FKTN: variants seen among roughly 807,000 people sequenced by gnomAD.
FKTN encodes fukutin.
Under a neutral mutation model 58.6 loss-of-function variants are expected in FKTN, and 47 were observed. The observed-to-expected ratio is 0.80, with a 90% CI of 0.63 to 1.02. FKTN has a LOEUF of 1.02. Ranked by LOEUF, FKTN falls within the 50% of genes least tolerant of loss-of-function variation. The pLI is 0.00. For synonymous variants in FKTN, 178 were observed against 191.9 expected, an observed-to-expected ratio of 0.93 and a Z score of 0.60; for missense variants, 516 against 537.3, an observed-to-expected ratio of 0.96 and a Z score of 0.39.
In FKTN at chr9:105,635,997, C is replaced by T; in HGVS notation, c.*733C>T. ...TTTCCATCCATTGTGAGAATATTTT[C>T]ACTGACCTCTGATGGCACTTGTTGA... On this transcript the variant is annotated 3_prime_UTR_variant, in exon 11 of 11. Transcript: ENST00000357998. 1 of 985,698 alleles carries T rather than the reference C, an allele frequency of 1.0e-6. No individual in the cohort carries two copies. Among genetic ancestry groups the T allele is most frequent in the Non-Finnish European group, 1.2e-6 (1 of 830,126 alleles). 61.1% of individuals were successfully genotyped at this position (985,698 alleles called of 1,614,324 possible). A position where few individuals can be genotyped will look rare whatever the true frequency, so the allele number is the denominator to read the frequency against.
At chr9:105,558,910 T>C (rs1158422569) in intron 1 of FKTN, among the ~76,000 whole-genome samples, 1 of 152,192 alleles carries the variant, frequency 6.6e-6, no homozygotes, top group East Asian at 1.9e-4. Context: ...TTAGCGATTC[T>C]ATTTGTGGAC....
intron 3 of FKTN, among the ~76,000 whole-genome samples, chr9:105,592,994 AAC>A (rs1347246561): frequency 6.6e-6 from 1 of 152,206 alleles, no homozygotes; most frequent in Non-Finnish European, 1.5e-5. Context: ...ACCTTACAGC[AAC>A]ACTGCTTTCC....
chr9:105,639,026 T>G lies in FKTN; in HGVS notation c.*3762T>G. The G allele has an allele frequency of 1.0e-6, 1 of 985,274 alleles. No individual in the cohort carries two copies. The highest frequency in any genetic ancestry group is 1.2e-6 in the Non-Finnish European group (1 of 829,882). 61.0% of individuals were successfully genotyped at this position (985,274 alleles called of 1,614,324 possible). A position where few individuals can be genotyped will look rare whatever the true frequency, so the allele number is the denominator to read the frequency against. On this transcript the variant is annotated 3_prime_UTR_variant, in exon 11 of 11. Coordinates refer to ENST00000357998, the MANE Select transcript of FKTN (RefSeq NM_001079802.2). Reference sequence around the variant, plus strand: ...TTATGGCTACATATTTTTCTAAGTTTCCCCCCTAGTTTCACTTTCTGGAAA... The same window carrying G: ...TTATGGCTACATATTTTTCTAAGTTGCCCCCCTAGTTTCACTTTCTGGAAA...
intron 1 of FKTN, among the ~76,000 whole-genome samples, chr9:105,570,861 G>A (rs140697407): frequency 2.7e-3 from 405 of 152,184 alleles, no homozygotes; most frequent in African/African-American, 8.8e-3. Flanking sequence ...AAGTAAACTG[G>A]TTTTATGGAA....
intron 3 of FKTN, among the ~76,000 whole-genome samples, chr9:105,576,403 T>C (rs1194841396): frequency 6.6e-6 from 1 of 151,626 alleles, no homozygotes; most frequent in African/African-American, 2.4e-5. Flanking sequence ...CACCTATGAG[T>C]GAGAATATGC....
intron 9 of FKTN, among the ~76,000 whole-genome samples, chr9:105,618,715 C>G (rs1466239496): frequency 6.6e-6 from 1 of 152,212 alleles, no homozygotes; most frequent in African/African-American, 2.4e-5. Flanking sequence ...TGATCTCTTG[C>G]AATCATCTTG....
In FKTN at chr9:105,639,875, C is replaced by T; in HGVS notation, c.*4611C>T. 2 of 1,390,932 alleles carry T rather than the reference C, an allele frequency of 1.4e-6. No individual in the cohort carries two copies. The highest frequency in any genetic ancestry group is 1.9e-6 in the Non-Finnish European group (2 of 1,076,188). The allele number at this position is 1,390,932 out of a possible 1,614,324, so 86.2% of individuals were successfully genotyped here. A position where few individuals can be genotyped will look rare whatever the true frequency, so the allele number is the denominator to read the frequency against. ...TTCACTAGATTTGGTACCTGCTCTC[C>T]CCTGGACTTCTTTTTCAATATTCTA... On this transcript the variant is annotated 3_prime_UTR_variant, in exon 11 of 11. Coordinates refer to ENST00000357998, the MANE Select transcript of FKTN (RefSeq NM_001079802.2).
Position 105,563,599 on chromosome 9 carries a change from G to T in FKTN, c.-181+5434G>T, listed in dbSNP as rs564873203. On this transcript the variant is annotated intron_variant, in intron 1 of 10. Transcript: ENST00000357998. ...TGAACTGCAACGTGGCAGCGAGGCTGGGGGGGGGGGCACCCGCCATTGCTG... is the reference window on the plus strand; with the variant it reads ...TGAACTGCAACGTGGCAGCGAGGCTTGGGGGGGGGGCACCCGCCATTGCTG... Among the ~76,000 whole-genome samples, 12 of 59,018 alleles carry T rather than the reference G, an allele frequency of 2.0e-4. No homozygotes were observed. The East Asian group carries it at 5.2e-3, about 26-fold the overall frequency. 38.7% of individuals were successfully genotyped at this position (59,018 alleles called of 152,430 possible).
Position 105,599,923 on chromosome 9 carries a change from C to CT in FKTN, c.166-1221dup, listed in dbSNP as rs545966908. 7.9e-5 allele frequency among the ~76,000 whole-genome samples: 12 copies of CT among 151,244 alleles called. No homozygotes were observed. In the East Asian group the frequency reaches 2.3e-3, roughly 29 times the overall value. On this transcript the variant is annotated intron_variant, in intron 4 of 10. Transcript: ENST00000357998. The stretch of plus-strand genomic sequence containing the variant: ...ATGATAGAATTCACCAGTGAACTGT[C>CT]TAAGTCTGAAGTTTTTCCTTGTTGT...
rs1834381238 is a variant in FKTN at position 105,640,944 on chromosome 9, G to GTTC, written c.*5680_*5681insTTC. On this transcript the variant is annotated 3_prime_UTR_variant, in exon 11 of 11. Coordinates refer to ENST00000357998, the MANE Select transcript of FKTN (RefSeq NM_001079802.2). ...ATATATATGAATTTCTAAACAAAGT[G>GTTC]ATATTTTAAAGATGAATTGATTCAA... 1 of 152,114 alleles carries GTTC rather than the reference G, an allele frequency of 6.6e-6. No individual in the cohort carries two copies. Among genetic ancestry groups the GTTC allele is most frequent in the Non-Finnish European group, 1.5e-5 (1 of 68,016 alleles). 9.4% of individuals were successfully genotyped at this position (152,114 alleles called of 1,614,324 possible).
At chr9:105,567,892 T>C (rs1839978080) in intron 1 of FKTN, among the ~76,000 whole-genome samples, 1 of 152,142 alleles carries the variant, frequency 6.6e-6, no homozygotes, top group African/African-American at 2.4e-5. Flanking sequence ...CTTCAAACTA[T>C]ACTACAAGGC....
rs1277485848 is a variant in FKTN, at chr9:105,636,226, C to G, written c.*962C>G. On this transcript the variant is annotated 3_prime_UTR_variant, in exon 11 of 11. Transcript: ENST00000357998. The stretch of plus-strand genomic sequence containing the variant: ...ATATTAATAGAATTTTTTAAATATA[C>G]TCTAATTTTTAAAACATACTCTTTA... 2 of 872,756 alleles carry G rather than the reference C, an allele frequency of 2.3e-6. No homozygotes were observed. Among genetic ancestry groups the G allele is most frequent in the Non-Finnish European group, 2.7e-6 (2 of 727,690 alleles). 54.1% of individuals were successfully genotyped at this position (872,756 alleles called of 1,614,324 possible).
intron 7 of FKTN, among the ~76,000 whole-genome samples, chr9:105,612,538 A>G (rs988687919): frequency 6.6e-6 from 1 of 152,152 alleles, no homozygotes; most frequent in Non-Finnish European, 1.5e-5. Flanking sequence ...TAAGTCTTTA[A>G]TCTATCTTGT....
chr9:105,571,259 A>G (rs1207138363), intron 1 of FKTN, among the ~76,000 whole-genome samples: 2 of 152,188 alleles, frequency 1.3e-5, no homozygotes, highest in African/African-American at 4.8e-5. Context: ...AATTGATGCA[A>G]GAGGTATTTT....
At chr9:105,581,861 G>T (rs956987921) in intron 3 of FKTN, among the ~76,000 whole-genome samples, 131 of 152,216 alleles carry the variant, frequency 8.6e-4, no homozygotes, top group Non-Finnish European at 1.7e-3. Context: ...GTGGGATATA[G>T]TCTCGTGGTG....
intron 1 of FKTN, among the ~76,000 whole-genome samples, chr9:105,571,020 T>C (rs753382190): frequency 6.6e-6 from 1 of 152,154 alleles, no homozygotes; most frequent in African/African-American, 2.4e-5. Flanking sequence ...TTCAGTCAGA[T>C]TGTGAATACC....
intron 1 of FKTN, among the ~76,000 whole-genome samples, chr9:105,563,736 G>A (rs2131707411): frequency 6.6e-6 from 1 of 152,330 alleles, no homozygotes; most frequent in Non-Finnish European, 1.5e-5. Flanking sequence ...GCAGGGCATA[G>A]CCAAACAAAA....
chr9:105,640,100 G>A lies in FKTN; in HGVS notation c.*4836G>A. ...CAAATTTCTGTTTCTATCTCAACTA[G>A]GCAAGAATCAGCAGGGTGCATGATG... On this transcript the variant is annotated 3_prime_UTR_variant, in exon 11 of 11. Coordinates refer to ENST00000357998, the MANE Select transcript of FKTN (RefSeq NM_001079802.2). The A allele has an allele frequency of 6.5e-7, 1 of 1,535,038 alleles. No homozygotes were observed. Among genetic ancestry groups the A allele is most frequent in the Non-Finnish European group, 8.7e-7 (1 of 1,146,416 alleles).
At chr9:105,620,254 G>A (rs140915536) in intron 10 of FKTN, 193 bp downstream of exon 10, 1 of 508,650 alleles carries the variant, frequency 2.0e-6, no homozygotes, top group Non-Finnish European at 3.5e-6. Context: ...GGTTTGTGAG[G>A]AGGAAGTGTC....
Sources: gnomAD v4.1 joint callset for allele counts (sites outside exome capture counted in the v4.1 genomes callset) on GRCh38, gnomAD v4.1.1 for gene constraint, MANE v1.5 for transcripts, NCBI Gene and HGNC (gene_info 2026-07-23, HGNC 2026-07-21) for gene names.